The following CD302 variants were observed in gnomAD, a reference collection of about 807,000 sequenced individuals.
CD302 encodes the protein CD302 molecule.
CD302 carries 23 observed loss-of-function variants against 26.5 expected under a neutral mutation model. The observed-to-expected ratio is 0.87, with a 90% CI of 0.62 to 1.23. The LOEUF (loss-of-function observed/expected upper bound fraction) is 1.23. Among genes scored for constraint, CD302 ranks in the 50% most tolerant of loss-of-function variants. The pLI is 0.00. For synonymous variants in CD302, 90 were observed against 99.4 expected, an observed-to-expected ratio of 0.91 and a Z score of 0.56; for missense variants, 290 against 275.5, an observed-to-expected ratio of 1.05 and a Z score of -0.37.
rs749788872 is a variant in CD302, at chr2:159,783,460, G to A, written c.77C>T (p.Ser26Leu). ...GTCTTGGAACTGAATCCAAGTAGAT[G>A]AAGGACAGTCTATGTAGAAAAAAGA... is the stretch of plus-strand genomic sequence containing the variant. The part of the protein sequence containing the change: ...LAAAAVADCP[S>L]STWIQFQDSC... The change falls in exon 2 of 6, where the codon TCA (serine) becomes TTA (leucine). Residue 26 changes from serine (S) to leucine (L), a missense_variant. Coordinates refer to ENST00000259053, the MANE Select transcript of CD302 (RefSeq NM_014880.5). 8 of 1,600,296 alleles carry A rather than the reference G, an allele frequency of 5.0e-6. No individual in the cohort carries two copies. The highest frequency in any genetic ancestry group is 2.7e-5 in the African/African-American group (2 of 74,250).
In CD302 at chr2:159,798,187, G is replaced by A. The variant is rs1353916936; in HGVS notation, c.12C>T (p.Ala4=). 8.0e-5 allele frequency: 118 copies of A among 1,471,808 alleles called. No homozygotes were observed. The highest frequency in any genetic ancestry group is 1.0e-4 in the Non-Finnish European group (113 of 1,116,842). 91.2% of individuals were successfully genotyped at this position (1,471,808 alleles called of 1,614,324 possible). The change falls in exon 1 of 6, where the codon GCC becomes GCT. Residue 4 remains alanine, a synonymous_variant. Transcript: ENST00000259053. MLR[A]ALPALLLPLL... ...ACGGCAGCAGGAGCGCGGGCAGCGCGGCCCGGAGCATGACGGCGGGTGCGG... is the reference window on the plus strand; with the variant it reads ...ACGGCAGCAGGAGCGCGGGCAGCGCAGCCCGGAGCATGACGGCGGGTGCGG...
In CD302 at chr2:159,781,702, A is replaced by G. The variant is rs532379331; in HGVS notation, c.179-704T>C. Among the ~76,000 whole-genome samples, 3 of 152,320 alleles carry G rather than the reference A, an allele frequency of 2.0e-5. No homozygotes were observed. The East Asian group carries it at 5.8e-4, about 29-fold the overall frequency. On this transcript the variant is annotated intron_variant, in intron 2 of 5. Transcript: ENST00000259053. Reference sequence around the variant, plus strand: ...ATATTCTAAGACCAGCAAAATTGCTATTATTTTATTTCAACTGCCTTGAAA... The same window carrying G: ...ATATTCTAAGACCAGCAAAATTGCTGTTATTTTATTTCAACTGCCTTGAAA...
At position 159,780,941 on chromosome 2, in the gene CD302, A is replaced by T. The variant is rs1192188495; in HGVS notation, c.236T>A (p.Leu79Ter). The T allele has an allele frequency of 1.8e-5, 29 of 1,613,796 alleles. No individual in the cohort carries two copies. Among genetic ancestry groups the T allele is most frequent in the Non-Finnish European group, 2.5e-5 (29 of 1,179,974 alleles). The change falls in exon 3 of 6, where the codon TTG (leucine) becomes TAG (stop). Residue 79 changes from leucine (L) to a stop codon, truncating the protein, a stop_gained. Transcript: ENST00000259053. LOFTEE classifies it high-confidence loss of function. ...EEENAFILDT[L>*]KKQWKGPDDI... Reference sequence around the variant, plus strand: ...ATCTGGGCCTTTCCATTGCTTTTTCAAAGTATCCAGTATAAAAGCATTTTC... The same window carrying T: ...ATCTGGGCCTTTCCATTGCTTTTTCTAAGTATCCAGTATAAAAGCATTTTC...
At chr2:159,781,219 C>T (rs1030294226) in intron 2 of CD302, among the ~76,000 whole-genome samples, 1 of 152,076 alleles carries the variant, frequency 6.6e-6, no homozygotes, top group Non-Finnish European at 1.5e-5. Context: ...GTTTATGTCT[C>T]AGTATACTTT....
intron 5 of CD302, among the ~76,000 whole-genome samples, chr2:159,774,625 A>G (rs1273253259): frequency 6.6e-6 from 1 of 152,154 alleles, no homozygotes; most frequent in African/African-American, 2.4e-5. Flanking sequence ...GTCACCTCAG[A>G]TAACCTGTCC....
intron 1 of CD302, 40 bp from the exon 2 acceptor site, chr2:159,783,509 AAAAAG>A: frequency 1.4e-6 from 2 of 1,477,598 alleles, no homozygotes; most frequent in Non-Finnish European, 1.8e-6. Flanking sequence ...ATAACTTGAG[AAAAAG>A]AATTACATGA....
intron 1 of CD302, among the ~76,000 whole-genome samples, chr2:159,788,787 T>C (rs796510476): frequency 2.6e-5 from 4 of 152,342 alleles, no homozygotes; most frequent in African/African-American, 7.2e-5. Flanking sequence ...CTTATTTTCA[T>C]TGGTCACTTT....
rs1708040253 is a variant in CD302, at chr2:159,768,922, T to C, written c.*2929A>G. 1 of 152,192 alleles carries C rather than the reference T, an allele frequency of 6.6e-6. No individual in the cohort carries two copies. Among genetic ancestry groups the C allele is most frequent in the African/African-American group, 2.4e-5 (1 of 41,454 alleles). The allele number at this position is 152,192 out of a possible 1,614,324, so 9.4% of individuals were successfully genotyped here. A position where few individuals can be genotyped will look rare whatever the true frequency, so the allele number is the denominator to read the frequency against. ...TACAAAACATTCATTGGTATGCACA[T>C]AATTCTGTATAGTTTTGTTATTAAA... On this transcript the variant is annotated 3_prime_UTR_variant, in exon 6 of 6. Transcript: ENST00000259053.
Position 159,783,345 on chromosome 2 carries a change from A to T in CD302, c.178+14T>A, listed in dbSNP as rs770395305. On this transcript the variant is annotated intron_variant, in intron 2 of 5. Coordinates refer to ENST00000259053, the MANE Select transcript of CD302 (RefSeq NM_014880.5). Reference sequence around the variant, plus strand: ...ATTTGTGAAAAAACAAACAGAAAAGAATAAGCCTTTTACCATGGTCAGTAC... The same window carrying T: ...ATTTGTGAAAAAACAAACAGAAAAGTATAAGCCTTTTACCATGGTCAGTAC... The T allele has an allele frequency of 6.4e-7, 1 of 1,561,812 alleles. No individual in the cohort carries two copies. Among genetic ancestry groups the T allele is most frequent in the South Asian group, 1.2e-5 (1 of 82,744 alleles).
intron 1 of CD302, among the ~76,000 whole-genome samples, chr2:159,786,340 T>C (rs1229002355): frequency 1.3e-5 from 2 of 149,020 alleles, no homozygotes; most frequent in Non-Finnish European, 3.0e-5. Context: ...TTCTTTTTTT[T>C]TTTTTTTTTT....
intron 2 of CD302, among the ~76,000 whole-genome samples, chr2:159,782,812 A>G (rs1574494599): frequency 6.6e-6 from 1 of 152,082 alleles, no homozygotes; most frequent in African/African-American, 2.4e-5. Flanking sequence ...TGGTCTAGCA[A>G]ATAGCCTTTT....
chr2:159,778,114 T>G (rs1175256767), intron 4 of CD302, 150 bp from the exon 5 acceptor site: 1 of 314,688 alleles, frequency 3.2e-6, no homozygotes, highest in Non-Finnish European at 5.8e-6. Context: ...TTTCTTTGCC[T>G]CATTAGTTGT....
At chr2:159,775,817 T>C (rs1449431596) in intron 5 of CD302, among the ~76,000 whole-genome samples, 2 of 152,062 alleles carry the variant, frequency 1.3e-5, no homozygotes, top group Non-Finnish European at 2.9e-5. Flanking sequence ...CTTGGTGAGG[T>C]TGACTACTTT....
intron 1 of CD302, among the ~76,000 whole-genome samples, chr2:159,787,132 ACTT>A (rs1191371524): frequency 2.6e-5 from 4 of 152,174 alleles, no homozygotes; most frequent in African/African-American, 9.7e-5. Context: ...TTCTATGCAT[ACTT>A]CTTGTGAGTA....
intron 5 of CD302, among the ~76,000 whole-genome samples, chr2:159,776,809 A>G (rs1184805790): frequency 6.7e-6 from 1 of 148,812 alleles, no homozygotes; most frequent in African/African-American, 2.5e-5. Context: ...AATTCATGCA[A>G]TTCTCCCTGC....
rs776215920 is a variant in CD302, at chr2:159,780,980, A to G, written c.197T>C (p.Ile66Thr). 1.2e-6 allele frequency: 2 copies of G among 1,609,008 alleles called. No homozygotes were observed. The highest frequency in any genetic ancestry group is 1.1e-5 in the South Asian group (1 of 89,964). Residue 66 changes from isoleucine (I) to threonine (T), a missense_variant, in exon 3 of 6, where the codon ATA becomes ACA. Coordinates refer to ENST00000259053, the MANE Select transcript of CD302 (RefSeq NM_014880.5). ...AAAAGCATTTTCTTCTTCATTATGT[A>G]TGCTTATCATGTCCGCTCCTGAAAT... ...CTDHGADMIS[I>T]HNEEENAFIL...
intron 5 of CD302, among the ~76,000 whole-genome samples, chr2:159,776,787 C>T (rs996679678): frequency 1.3e-5 from 2 of 151,230 alleles, no homozygotes; most frequent in South Asian, 4.2e-4. Flanking sequence ...TCACTGCAAC[C>T]TCCGCCTCCC....
intron 5 of CD302, among the ~76,000 whole-genome samples, chr2:159,774,598 C>A (rs920781168): frequency 2.0e-5 from 3 of 152,196 alleles, no homozygotes; most frequent in Non-Finnish European, 2.9e-5. Context: ...TTCAACCCTT[C>A]ACCTTGGTCC....
chr2:159,775,184 T>C (rs974912658), intron 5 of CD302, among the ~76,000 whole-genome samples: 6 of 152,230 alleles, frequency 3.9e-5, no homozygotes, highest in African/African-American at 7.2e-5. Context: ...GAGCAGAGGC[T>C]TTTGTTTTGT....
Sources: gnomAD v4.1 joint callset for allele counts (sites outside exome capture counted in the v4.1 genomes callset) on GRCh38, gnomAD v4.1.1 for gene constraint, MANE v1.5 for transcripts, NCBI Gene and HGNC (gene_info 2026-07-23, HGNC 2026-07-21) for gene names.